ZNF266: variants seen among roughly 807,000 people sequenced by gnomAD.
The protein encoded by ZNF266 is zinc finger protein 1.
In ZNF266, 16 loss-of-function variants were observed where a neutral mutation model predicts 16.4. The observed-to-expected ratio is 0.98, with a 90% CI of 0.66 to 1.48. ZNF266 has a LOEUF of 1.48. Ranked by LOEUF, ZNF266 falls within the 40% of genes most tolerant of loss-of-function variation. The probability of loss-of-function intolerance (pLI) is 0.00; values close to 1 mark genes in which losing one functional copy is unlikely to be tolerated. For missense variants in ZNF266, 738 were observed against 689.1 expected (o/e 1.07, Z -0.79); for synonymous variants, 262 against 237.9 (o/e 1.10, Z -0.93).
chr19:9,415,884 C>A, intron 9 of ZNF266, 142 bp from the exon 10 acceptor site: 1 of 590,352 alleles, frequency 1.7e-6, no homozygotes, highest in Non-Finnish European at 2.9e-6. Context: ...AGTGCAATGG[C>A]GTGGTCTCAG....
chr19:9,427,515 CAG>C (rs2070938051), intron 5 of ZNF266, among the ~76,000 whole-genome samples: 1 of 151,924 alleles, frequency 6.6e-6, no homozygotes, highest in Non-Finnish European at 1.5e-5. Flanking sequence ...TAAGTAGAGA[CAG>C]GGTTTCAGCA....
intron 8 of ZNF266, 51 bp downstream of exon 8, chr19:9,418,454 C>T (rs777093524): frequency 3.8e-6 from 6 of 1,593,088 alleles, no homozygotes; most frequent in Non-Finnish European, 4.3e-6. Flanking sequence ...ACAGTAAGTA[C>T]ATAACATAAT....
chr19:9,428,871 T>C lies in ZNF266; in HGVS notation c.-130+4797A>G, dbSNP rs181404148. ...AGAGTTACAGACATTATTAGTAACC[T>C]ACATATATATTTCACTTCTTTTTTG... On this transcript the variant is annotated intron_variant, in intron 5 of 10. Coordinates refer to ENST00000592904, the MANE Select transcript of ZNF266 (RefSeq NM_001370374.1). Among the ~76,000 whole-genome samples, 420 of 151,662 alleles carry C rather than the reference T, an allele frequency of 2.8e-3. 4 individuals carry two copies. The highest frequency in any genetic ancestry group is 9.6e-3 in the African/African-American group (397 of 41,308).
chr19:9,413,718 T>C lies in ZNF266; in HGVS notation c.1408A>G (p.Thr470Ala), dbSNP rs1291370089. ...SRLSEHTRTH[T>A]GEKPFECVKC... ...ACACATTCAAAAGGCTTCTCTCCAG[T>C]GTGAGTTCTTGTATGTTCACTAAGG... The change falls in exon 11 of 11, where the codon ACT (threonine) becomes GCT (alanine). Residue 470 changes from threonine to alanine, a missense_variant. Transcript: ENST00000592904. The C allele has an allele frequency of 6.2e-7, 1 of 1,614,124 alleles. No homozygotes were observed. Among genetic ancestry groups the C allele is most frequent in the African/African-American group, 1.3e-5 (1 of 74,952 alleles).
Position 9,414,754 on chromosome 19 carries a change from C to T in ZNF266, c.406-34G>A, listed in dbSNP as rs186985949. The T allele has an allele frequency of 8.2e-5, 125 of 1,516,038 alleles. 1 individual carries two copies. The highest frequency in any genetic ancestry group is 3.4e-4 in the African/African-American group (25 of 72,468). The allele number at this position is 1,516,038 out of a possible 1,614,324, so 93.9% of individuals were successfully genotyped here. On this transcript the variant is annotated intron_variant, in intron 10 of 10. Coordinates refer to ENST00000592904, the MANE Select transcript of ZNF266 (RefSeq NM_001370374.1). ...AAAGGAATGAATGATGATTAAAGGA[C>T]GGTTCAGATTGATTAACAGATTCCA...
Position 9,413,005 on chromosome 19 carries a change from T to C in ZNF266, c.*270A>G. On this transcript the variant is annotated 3_prime_UTR_variant, in exon 11 of 11. Transcript: ENST00000592904. The stretch of plus-strand genomic sequence containing the variant: ...GAGTTCACATACACACATTAAGGTT[T>C]GTGGGATTCAGAAAGGTATTCCCAG... The C allele has an allele frequency of 2.1e-6, 1 of 474,360 alleles. No homozygotes were observed. The allele number at this position is 474,360 out of a possible 1,614,324, so 29.4% of individuals were successfully genotyped here.
intron 10 of ZNF266, among the ~76,000 whole-genome samples, chr19:9,415,075 A>G (rs1285099522): frequency 6.6e-6 from 1 of 152,152 alleles, no homozygotes; most frequent in African/African-American, 2.4e-5. Flanking sequence ...TGGGCAGATC[A>G]CCTCAGGTCA....
At chr19:9,427,261 T>C (rs974134700) in intron 5 of ZNF266, among the ~76,000 whole-genome samples, 1 of 152,122 alleles carries the variant, frequency 6.6e-6, no homozygotes, top group African/African-American at 2.4e-5. Flanking sequence ...AACTCCTGAT[T>C]TTATTCAATA....
chr19:9,421,108 A>G (rs2069807665), intron 5 of ZNF266, among the ~76,000 whole-genome samples: 1 of 152,224 alleles, frequency 6.6e-6, no homozygotes, highest in Admixed American at 6.5e-5. Context: ...ACACAGAACA[A>G]CAGTGCAAAT....
intron 5 of ZNF266, among the ~76,000 whole-genome samples, chr19:9,426,059 G>A (rs1040583805): frequency 4.6e-5 from 7 of 152,170 alleles, no homozygotes; most frequent in Non-Finnish European, 8.8e-5. Flanking sequence ...TCACTGGGGA[G>A]ATGACGGCAC....
At chr19:9,425,333 G>A (rs1172411139) in intron 5 of ZNF266, among the ~76,000 whole-genome samples, 2 of 152,062 alleles carry the variant, frequency 1.3e-5, no homozygotes, top group East Asian at 3.9e-4. Flanking sequence ...CCATCCTGGG[G>A]ATCTGTGAGT....
At chr19:9,429,182 AAAAC>A (rs1266370196) in intron 5 of ZNF266, among the ~76,000 whole-genome samples, 1 of 152,192 alleles carries the variant, frequency 6.6e-6, no homozygotes, top group African/African-American at 2.4e-5. Context: ...TCCAGTCCAA[AAAAC>A]AAACTCCTGA....
At chr19:9,422,520 G>A (rs1599492058) in intron 5 of ZNF266, among the ~76,000 whole-genome samples, 1 of 152,160 alleles carries the variant, frequency 6.6e-6, no homozygotes, top group Admixed American at 6.5e-5. Context: ...TGGCCTGTCT[G>A]CATACCAAAG....
chr19:9,426,155 G>T (rs191986470), intron 5 of ZNF266, among the ~76,000 whole-genome samples: 150 of 152,152 alleles, frequency 9.9e-4, no homozygotes, highest in Non-Finnish European at 7.1e-4. Flanking sequence ...CCACCCTGAC[G>T]AGGTCAACTG....
chr19:9,414,057 G>A lies in ZNF266; in HGVS notation c.1069C>T (p.His357Tyr), dbSNP rs766012303. The A allele has an allele frequency of 6.2e-7, 1 of 1,613,940 alleles. No individual in the cohort carries two copies. Among genetic ancestry groups the A allele is most frequent in the Non-Finnish European group, 8.5e-7 (1 of 1,180,006 alleles). ...CATTCATAAGGCTTCTCACCCACAT[G>A]GATTTTCATATGTTGACTTAAGCAA... The part of the protein sequence containing the change: ...SSCLSQHMKI[H>Y]VGEKPYECKE... Residue 357 changes from histidine (H) to tyrosine (Y), a missense_variant, in exon 11 of 11, where the codon CAT becomes TAT. Transcript: ENST00000592904.
intron 5 of ZNF266, among the ~76,000 whole-genome samples, chr19:9,431,741 G>A (rs1263842425): frequency 6.6e-6 from 1 of 152,088 alleles, no homozygotes; most frequent in Non-Finnish European, 1.5e-5. Flanking sequence ...ACTCCCGCCT[G>A]AGTAACCCAG....
chr19:9,425,967 G>A (rs969293147), intron 5 of ZNF266, among the ~76,000 whole-genome samples: 3 of 152,112 alleles, frequency 2.0e-5, no homozygotes, highest in Non-Finnish European at 2.9e-5. Context: ...GAGGAAGACC[G>A]GCATTCTGAC....
In ZNF266 at chr19:9,417,856, A is replaced by G; in HGVS notation, c.288T>C (p.Ser96=). 6.2e-7 allele frequency: 1 copy of G among 1,614,130 alleles called. No homozygotes were observed. ...SLISWLEQEE[S]RTVQRGDFQA... is the part of the protein sequence containing the mutation. ...GGAAATCACCTCTCTGCACTGTCCT[A>G]GACTCTTCTTGTTCCAGCCAAGAGA... is the stretch of plus-strand genomic sequence containing the variant. Residue 96 remains serine, a synonymous_variant, in exon 9 of 11, where the codon TCT becomes TCC. Coordinates refer to ENST00000592904, the MANE Select transcript of ZNF266 (RefSeq NM_001370374.1).
intron 2 of ZNF266, 100 bp from the exon 3 acceptor site, chr19:9,434,959 C>T (rs145428135): frequency 6.6e-6 from 1 of 152,180 alleles, no homozygotes; most frequent in East Asian, 1.9e-4. Flanking sequence ...GAGAAATAAC[C>T]ACACCCCAGA....
Sources: gnomAD v4.1 joint callset for allele counts (sites outside exome capture counted in the v4.1 genomes callset) on GRCh38, gnomAD v4.1.1 for gene constraint, MANE v1.5 for transcripts, NCBI Gene and HGNC (gene_info 2026-07-23, HGNC 2026-07-21) for gene names.